Variants in TRPS1 observed in about 807,000 individuals in gnomAD.
The protein encoded by TRPS1 is transcriptional repressor GATA binding 1.
TRPS1 carries 6 observed loss-of-function variants against 101.2 expected under a neutral mutation model. The ratio of observed to expected loss-of-function variants is 0.06; its 90% CI spans 0.03 to 0.12. The LOEUF is 0.12. Among genes scored for constraint, TRPS1 ranks in the 10% least tolerant of loss-of-function variants. The pLI is 1.00. For missense variants in TRPS1, 1,363 were observed against 1,567.0 expected, an observed-to-expected ratio of 0.87 and a Z score of 2.20; for synonymous variants, 578 against 589.8, an observed-to-expected ratio of 0.98 and a Z score of 0.29.
chr8:115,424,294 A>G (rs2129796762), intron 5 of TRPS1, among the ~76,000 whole-genome samples: 1 of 152,346 alleles, frequency 6.6e-6, no homozygotes. Context: ...TTATATCAAA[A>G]AGTCTTTGCA....
chr8:115,449,883 C>G (rs1438535574), intron 5 of TRPS1, among the ~76,000 whole-genome samples: 2 of 151,810 alleles, frequency 1.3e-5, no homozygotes, highest in Non-Finnish European at 2.9e-5. Flanking sequence ...ACAGGAAATA[C>G]TTTGAGCTTC....
intron 4 of TRPS1, among the ~76,000 whole-genome samples, chr8:115,598,070 C>T (rs1193847895): frequency 1.3e-5 from 2 of 152,166 alleles, no homozygotes; most frequent in Admixed American, 1.3e-4. Context: ...AAAATGTCTA[C>T]ATGTCTAACA....
At chr8:115,607,369 A>G (rs1019009657) in intron 3 of TRPS1, among the ~76,000 whole-genome samples, 5 of 152,084 alleles carry the variant, frequency 3.3e-5, no homozygotes, top group African/African-American at 1.2e-4. Flanking sequence ...TTTAGGATTA[A>G]CTAAGCTATA....
intron 4 of TRPS1, among the ~76,000 whole-genome samples, chr8:115,594,447 C>G (rs558892227): frequency 6.6e-6 from 1 of 151,516 alleles, no homozygotes; most frequent in South Asian, 2.1e-4. Context: ...TTGGGACATA[C>G]TTTTATAAAA....
chr8:115,621,613 G>A (rs544992859), intron 2 of TRPS1, among the ~76,000 whole-genome samples: 15 of 152,188 alleles, frequency 9.9e-5, no homozygotes, highest in African/African-American at 3.6e-4. Flanking sequence ...TAGCATAATG[G>A]TACTTAAGAA....
At position 115,648,639 on chromosome 8, in the gene TRPS1, T is replaced by C. The variant is rs542401122; in HGVS notation, c.-122+19906A>G. 5.3e-5 allele frequency among the ~76,000 whole-genome samples: 8 copies of C among 152,250 alleles called. No individual in the cohort carries two copies. In the South Asian group the frequency reaches 6.2e-4, roughly 12 times the overall value. Reference sequence around the variant, plus strand: ...CTGATCTGCAGTTCTGATTCTTTTTTCTTCTTAAAAACAAAAGGAAAAATT... The same window carrying C: ...CTGATCTGCAGTTCTGATTCTTTTTCCTTCTTAAAAACAAAAGGAAAAATT... On this transcript the variant is annotated intron_variant, in intron 1 of 6. Coordinates refer to ENST00000395715, the MANE Select transcript of TRPS1 (RefSeq NM_014112.5).
intron 5 of TRPS1, among the ~76,000 whole-genome samples, chr8:115,506,933 G>C (rs559494738): frequency 6.6e-6 from 1 of 152,138 alleles, no homozygotes; most frequent in East Asian, 1.9e-4. Flanking sequence ...AAAGTAAAAA[G>C]GTCAAGAGTC....
At chr8:115,534,986 C>A (rs1700668689) in intron 5 of TRPS1, among the ~76,000 whole-genome samples, 1 of 148,836 alleles carries the variant, frequency 6.7e-6, no homozygotes, top group Non-Finnish European at 1.5e-5. Flanking sequence ...AAACACTTGG[C>A]ATATAAATAT....
chr8:115,466,005 C>T (rs770655658), intron 5 of TRPS1, among the ~76,000 whole-genome samples: 20 of 152,134 alleles, frequency 1.3e-4, no homozygotes, highest in Non-Finnish European at 2.4e-4. Context: ...AACAAGGTCA[C>T]GGTAGCTCAA....
Position 115,668,712 on chromosome 8 carries a change from TAA to T in TRPS1, c.-291_-290del, listed in dbSNP as rs1811995744. On this transcript the variant is annotated 5_prime_UTR_variant, in exon 1 of 7. Transcript: ENST00000395715. The stretch of plus-strand genomic sequence containing the variant: ...CCCCCTTTCCCTCCCCCACCCTTAT[TAA>T]AAAAGAGAGAGAGAGAGAGAGAGAG... The T allele has an allele frequency of 2.3e-5, 2 of 87,672 alleles. No individual in the cohort carries two copies. The highest frequency in any genetic ancestry group is 9.6e-5 in the African/African-American group (2 of 20,840). 5.4% of individuals were successfully genotyped at this position (87,672 alleles called of 1,614,324 possible).
At chr8:115,525,156 C>A (rs996378228) in intron 5 of TRPS1, among the ~76,000 whole-genome samples, 2 of 152,098 alleles carry the variant, frequency 1.3e-5, no homozygotes, top group Admixed American at 6.6e-5. Flanking sequence ...ATGGTCAGAT[C>A]TTCTGGCATA....
chr8:115,419,867 T>G (rs1813009547), intron 5 of TRPS1, among the ~76,000 whole-genome samples: 1 of 152,228 alleles, frequency 6.6e-6, no homozygotes, highest in Admixed American at 6.5e-5. Context: ...CAATTGCTGA[T>G]GCCTGCTCAC....
At chr8:115,653,013 A>G (rs925347546) in intron 1 of TRPS1, among the ~76,000 whole-genome samples, 4 of 152,204 alleles carry the variant, frequency 2.6e-5, no homozygotes, top group African/African-American at 9.7e-5. Flanking sequence ...CCTTATCTGG[A>G]TATCACCTGT....
intron 2 of TRPS1, among the ~76,000 whole-genome samples, chr8:115,623,178 A>T (rs1400610855): frequency 6.6e-6 from 1 of 152,074 alleles, no homozygotes; most frequent in Admixed American, 6.6e-5. Flanking sequence ...CTTATGCTGA[A>T]TAGAGCCCTT....
At chr8:115,470,458 T>A (rs779762929) in intron 5 of TRPS1, among the ~76,000 whole-genome samples, 6 of 152,322 alleles carry the variant, frequency 3.9e-5, no homozygotes, top group Non-Finnish European at 7.4e-5. Context: ...TCATTGCCTA[T>A]CTTACCTTAT....
chr8:115,558,179 C>G lies in TRPS1; in HGVS notation c.2700+28822G>C, dbSNP rs1816868701. Among the ~76,000 whole-genome samples, 5 of 152,010 alleles carry G rather than the reference C, an allele frequency of 3.3e-5. 1 individual carries two copies. In the South Asian group the frequency reaches 1.0e-3, roughly 32 times the overall value. ...AAATTTGTGAGATATTCTGTAAACT[C>G]TAGTCTAAGACCAGGGATAAAGGAC... On this transcript the variant is annotated intron_variant, in intron 5 of 6. Coordinates refer to ENST00000395715, the MANE Select transcript of TRPS1 (RefSeq NM_014112.5).
chr8:115,640,008 T>A (rs903280131), intron 1 of TRPS1, among the ~76,000 whole-genome samples: 1 of 152,196 alleles, frequency 6.6e-6, no homozygotes, highest in African/African-American at 2.4e-5. Flanking sequence ...ATTGACAGTA[T>A]AGTAAATGTA....
intron 5 of TRPS1, among the ~76,000 whole-genome samples, chr8:115,525,256 A>G (rs1279198855): frequency 6.6e-6 from 1 of 152,172 alleles, no homozygotes; most frequent in Non-Finnish European, 1.5e-5. Flanking sequence ...AAAACCTATC[A>G]GAGAAAAATG....
chr8:115,583,734 TCAAAG>T (rs1176764309), intron 5 of TRPS1, among the ~76,000 whole-genome samples: 1 of 151,992 alleles, frequency 6.6e-6, no homozygotes, highest in Non-Finnish European at 1.5e-5. Flanking sequence ...TTTGTCATAC[TCAAAG>T]CACAGAAGTC....
Sources: gnomAD v4.1 joint callset for allele counts (sites outside exome capture counted in the v4.1 genomes callset) on GRCh38, gnomAD v4.1.1 for gene constraint, MANE v1.5 for transcripts, NCBI Gene and HGNC (gene_info 2026-07-23, HGNC 2026-07-21) for gene names.